The following PLXDC2 variants were observed in gnomAD, a reference collection of about 807,000 sequenced individuals.
PLXDC2 encodes the protein plexin domain containing 2.
In PLXDC2, 40 loss-of-function variants were observed where a neutral mutation model predicts 68.9. That is an observed-to-expected ratio of 0.58 (90% CI 0.45 to 0.76). PLXDC2 has a LOEUF of 0.76. Ranked by LOEUF, PLXDC2 falls within the 30% of genes least tolerant of loss-of-function variation. PLXDC2 has a pLI of 0.00. For synonymous variants in PLXDC2, 243 were observed against 234.2 expected (o/e 1.04, Z -0.34); for missense variants, 644 against 661.9 (o/e 0.97, Z 0.30).
chr10:20,175,406 G>A (rs1157036285), intron 7 of PLXDC2, among the ~76,000 whole-genome samples: 3 of 152,148 alleles, frequency 2.0e-5, no homozygotes, highest in Non-Finnish European at 4.4e-5. Flanking sequence ...CCACTATGAC[G>A]CTCAGTGGCT....
intron 5 of PLXDC2, among the ~76,000 whole-genome samples, chr10:20,146,633 A>T (rs1834085529): frequency 6.6e-6 from 1 of 151,726 alleles, no homozygotes; most frequent in African/African-American, 2.4e-5. Flanking sequence ...AAAAGCACCA[A>T]GGTCAAGTTA....
At chr10:20,024,261 T>C (rs919109897) in intron 2 of PLXDC2, among the ~76,000 whole-genome samples, 1 of 152,218 alleles carries the variant, frequency 6.6e-6, no homozygotes, top group Non-Finnish European at 1.5e-5. Context: ...ACCAAATATG[T>C]GTTGAATTTG....
intron 9 of PLXDC2, among the ~76,000 whole-genome samples, chr10:20,203,990 G>A (rs569701269): frequency 4.2e-4 from 63 of 151,186 alleles, no homozygotes; most frequent in Non-Finnish European, 7.4e-4. Flanking sequence ...AACTTCATAA[G>A]TGATCCTACA....
At chr10:19,860,038 A>C (rs1324990228) in intron 1 of PLXDC2, among the ~76,000 whole-genome samples, 3 of 152,162 alleles carry the variant, frequency 2.0e-5, no homozygotes, top group Non-Finnish European at 2.9e-5. Context: ...CCAGAAACCT[A>C]TTTGTATTCA....
At chr10:20,114,143 CAG>C (rs1833593780) in intron 4 of PLXDC2, among the ~76,000 whole-genome samples, 1 of 152,086 alleles carries the variant, frequency 6.6e-6, no homozygotes, top group Non-Finnish European at 1.5e-5. Context: ...TAAAATAAAA[CAG>C]AAAACAATTA....
chr10:20,054,658 A>G (rs993353956), intron 3 of PLXDC2, among the ~76,000 whole-genome samples: 81 of 152,058 alleles, frequency 5.3e-4, no homozygotes, highest in African/African-American at 1.8e-3. Context: ...AACAATGAGA[A>G]CACATGGACA....
chr10:20,233,824 T>C (rs1424269627), intron 12 of PLXDC2, among the ~76,000 whole-genome samples: 4 of 152,076 alleles, frequency 2.6e-5, no homozygotes, highest in African/African-American at 9.7e-5. Context: ...TATTTTTATT[T>C]ATTTTTTTTA....
chr10:20,120,062 T>C (rs1042448521), intron 4 of PLXDC2, among the ~76,000 whole-genome samples: 7 of 152,242 alleles, frequency 4.6e-5, no homozygotes, highest in Non-Finnish European at 8.8e-5. Flanking sequence ...TCAGCTGTGA[T>C]GGCTTGGAGA....
intron 2 of PLXDC2, among the ~76,000 whole-genome samples, chr10:20,006,095 G>T (rs887637895): frequency 6.6e-6 from 1 of 151,952 alleles, no homozygotes; most frequent in Admixed American, 6.6e-5. Flanking sequence ...GATGAGAATT[G>T]CATGAGCACG....
At chr10:20,229,437 G>T (rs1188853469) in intron 12 of PLXDC2, among the ~76,000 whole-genome samples, 1 of 139,736 alleles carries the variant, frequency 7.2e-6, no homozygotes. Flanking sequence ...GAGGTTGTAT[G>T]ATTTCAACAC....
chr10:20,117,031 A>G (rs1040337922), intron 4 of PLXDC2, among the ~76,000 whole-genome samples: 1 of 138,456 alleles, frequency 7.2e-6, no homozygotes, highest in Non-Finnish European at 1.5e-5. Context: ...TAATTATCAC[A>G]TACTAAATCC....
At chr10:20,211,808 C>A in intron 10 of PLXDC2, 79 bp downstream of exon 10, 3 of 1,350,314 alleles carry the variant, frequency 2.2e-6, no homozygotes, top group Non-Finnish European at 3.1e-6. Flanking sequence ...AATTTTTATT[C>A]AAAATTTATG....
intron 1 of PLXDC2, among the ~76,000 whole-genome samples, chr10:20,001,156 G>T (rs1215692476): frequency 6.6e-6 from 1 of 152,160 alleles, no homozygotes; most frequent in Non-Finnish European, 1.5e-5. Flanking sequence ...CGGCACAGAT[G>T]AACAAAAGTG....
chr10:19,973,239 C>T (rs1488054301), intron 1 of PLXDC2, among the ~76,000 whole-genome samples: 1 of 149,022 alleles, frequency 6.7e-6, no homozygotes, highest in Non-Finnish European at 1.5e-5. Context: ...TATGTATATA[C>T]ACACATATAT....
chr10:19,885,256 CT>C (rs1462031724), intron 1 of PLXDC2, among the ~76,000 whole-genome samples: 6 of 151,262 alleles, frequency 4.0e-5, no homozygotes, highest in African/African-American at 1.5e-4. Context: ...GATATTAGCC[CT>C]TTGTCAGATG....
intron 1 of PLXDC2, among the ~76,000 whole-genome samples, chr10:19,909,498 G>C (rs2131372952): frequency 6.6e-6 from 1 of 152,318 alleles, no homozygotes; most frequent in South Asian, 2.1e-4. Context: ...CTTGGCAAGA[G>C]ATTAAGGAAA....
intron 1 of PLXDC2, among the ~76,000 whole-genome samples, chr10:19,884,443 G>A (rs923211050): frequency 6.6e-5 from 10 of 151,952 alleles, no homozygotes; most frequent in East Asian, 3.9e-4. Flanking sequence ...ATGCTGGTGC[G>A]CTGCACCCAC....
chr10:20,222,966 G>C (rs1415788122), intron 12 of PLXDC2, among the ~76,000 whole-genome samples: 1 of 152,168 alleles, frequency 6.6e-6, no homozygotes, highest in East Asian at 1.9e-4. Flanking sequence ...TCTGTCTCTT[G>C]TTTATGTGAA....
chr10:20,183,156 A>C (rs910335275), intron 9 of PLXDC2, among the ~76,000 whole-genome samples: 1 of 151,986 alleles, frequency 6.6e-6, no homozygotes, highest in South Asian at 2.1e-4. Context: ...TGAGATGCCT[A>C]TCAGACTTCA....
Sources: allele counts gnomAD v4.1 joint callset (sites outside exome capture counted in the v4.1 genomes callset), GRCh38; gene constraint gnomAD v4.1.1; transcripts MANE v1.5; gene names NCBI Gene and HGNC (gene_info 2026-07-23, HGNC 2026-07-21).